The following ARHGEF3 variants were observed in gnomAD, a reference collection of about 807,000 sequenced individuals.
ARHGEF3 encodes 59.8 kDA protein.
In ARHGEF3, 28 loss-of-function variants were observed where a neutral mutation model predicts 63.2. That is an observed-to-expected ratio of 0.44 (90% CI 0.33 to 0.61). The LOEUF is 0.61. Among genes scored for constraint, ARHGEF3 ranks in the 20% least tolerant of loss-of-function variants. ARHGEF3 has a pLI of 0.03. For missense variants in ARHGEF3, 533 were observed against 659.3 expected (o/e 0.81, Z 2.10); for synonymous variants, 266 against 254.2 (o/e 1.05, Z -0.44).
intron 2 of ARHGEF3, among the ~76,000 whole-genome samples, chr3:57,011,138 G>A (rs1331093533): frequency 6.6e-6 from 1 of 152,170 alleles, no homozygotes; most frequent in African/African-American, 2.4e-5. Context: ...CGGAGGGAAG[G>A]TGAAACTGGG....
chr3:57,044,468 AG>A (rs1704360227), intron 1 of ARHGEF3, among the ~76,000 whole-genome samples: 2 of 152,346 alleles, frequency 1.3e-5, no homozygotes, highest in East Asian at 3.9e-4. Context: ...CACAGTGTCA[AG>A]ATACCCCAGT....
chr3:56,927,190 G>C (rs966578557), intron 3 of ARHGEF3, among the ~76,000 whole-genome samples: 5 of 152,148 alleles, frequency 3.3e-5, no homozygotes, highest in African/African-American at 1.2e-4. Flanking sequence ...ACAGTAAGAG[G>C]ACCCACTGCA....
chr3:56,803,295 C>T (rs1051381116), upstream of ARHGEF3, among the ~76,000 whole-genome samples: 4 of 152,038 alleles, frequency 2.6e-5, no homozygotes, highest in South Asian at 8.3e-4. Flanking sequence ...AAAAATTAGC[C>T]AGGGATGGTG....
chr3:57,027,554 C>T (rs112047090), intron 2 of ARHGEF3, among the ~76,000 whole-genome samples: 2,060 of 152,176 alleles, frequency 0.014, 47 homozygotes, highest in African/African-American at 0.047. Flanking sequence ...TCTCTGGGAG[C>T]GTCAAAGGTG....
chr3:56,755,291 G>A, intron 2 of ARHGEF3, 140 bp from the exon 3 acceptor site: 4 of 969,260 alleles, frequency 4.1e-6, no homozygotes, highest in Non-Finnish European at 6.1e-6. Context: ...TTTGGGAAGT[G>A]GGGCATTGTC....
intron 3 of ARHGEF3, among the ~76,000 whole-genome samples, chr3:56,905,863 T>C (rs919854790): frequency 6.6e-6 from 1 of 152,208 alleles, no homozygotes; most frequent in Non-Finnish European, 1.5e-5. Context: ...TGTGACTGTT[T>C]AAATTCACTT....
At chr3:57,079,072 G>A (rs1002263202) in intron 1 of ARHGEF3, 6 of 316,664 alleles carry the variant, frequency 1.9e-5, no homozygotes, top group African/African-American at 1.3e-4. Context: ...GGAGGTGGGA[G>A]TGGGGGTCCA....
rs368174892 is a variant in ARHGEF3 at position 56,898,947 on chromosome 3, G to A, written c.130-16593C>T. 5.3e-4 allele frequency among the ~76,000 whole-genome samples: 81 copies of A among 152,258 alleles called. No homozygotes were observed. In the East Asian group the frequency reaches 0.011, roughly 21 times the overall value. ...CACACGCCTGTAGTCCCAGCTACTCGGGAGGCTGAGGCAGGAGAATGGCAT... is the reference window on the plus strand; with the variant it reads ...CACACGCCTGTAGTCCCAGCTACTCAGGAGGCTGAGGCAGGAGAATGGCAT... On this transcript the variant is annotated intron_variant, in intron 3 of 12. Coordinates refer to the ARHGEF3 transcript ENST00000338458.
At position 57,026,691 on chromosome 3, in the gene ARHGEF3, G is replaced by A. The variant is rs188432197; in HGVS notation, c.62+8397C>T. 1.5e-3 allele frequency among the ~76,000 whole-genome samples: 232 copies of A among 152,300 alleles called. 1 individual carries two copies. Among genetic ancestry groups the A allele is most frequent in the Middle Eastern group, 6.8e-3 (2 of 294 alleles). ...CTTCACCAGATGAGTGTGGGCCAGA[G>A]GCAAAACCCCTCAGAGACATTCTTT... On this transcript the variant is annotated intron_variant, in intron 2 of 12. Coordinates refer to the ARHGEF3 transcript ENST00000338458.
intron 3 of ARHGEF3, among the ~76,000 whole-genome samples, chr3:56,902,330 G>A (rs899513054): frequency 4.6e-5 from 7 of 152,212 alleles, no homozygotes; most frequent in Admixed American, 3.3e-4. Flanking sequence ...ATGTGTGTGC[G>A]CGCGTGTGTG....
At chr3:56,856,294 G>C (rs1054296217) in intron 4 of ARHGEF3, among the ~76,000 whole-genome samples, 2 of 152,192 alleles carry the variant, frequency 1.3e-5, no homozygotes, top group African/African-American at 2.4e-5. Flanking sequence ...TCTAGTATCT[G>C]TCTATAAGGA....
intron 1 of ARHGEF3, among the ~76,000 whole-genome samples, chr3:56,774,419 A>G (rs1358702237): frequency 1.3e-5 from 2 of 152,260 alleles, no homozygotes; most frequent in Non-Finnish European, 2.9e-5. Context: ...CCAGACGGCA[A>G]AAGAAAATGT....
chr3:56,900,539 A>C (rs1196911074), intron 3 of ARHGEF3, among the ~76,000 whole-genome samples: 2 of 152,150 alleles, frequency 1.3e-5, no homozygotes, highest in African/African-American at 2.4e-5. Flanking sequence ...CTGAGGCAGG[A>C]GGATTGACTG....
intron 1 of ARHGEF3, among the ~76,000 whole-genome samples, chr3:56,800,994 C>G (rs535922052): frequency 1.4e-4 from 21 of 152,240 alleles, no homozygotes; most frequent in African/African-American, 5.1e-4. Flanking sequence ...CCTGGGAGCA[C>G]TCCTTCACAT....
rs1473961726 is a variant in ARHGEF3 at position 56,747,062 on chromosome 3, CACAGAGAGAG to C, written c.613-1610_613-1601del. 8.7e-5 allele frequency among the ~76,000 whole-genome samples: 11 copies of C among 125,980 alleles called. No individual in the cohort carries two copies. In the East Asian group the frequency reaches 2.7e-3, roughly 31 times the overall value. 82.6% of individuals were successfully genotyped at this position (125,980 alleles called of 152,430 possible). On this transcript the variant is annotated intron_variant, in intron 6 of 9. Coordinates refer to ENST00000296315, the MANE Select transcript of ARHGEF3 (RefSeq NM_019555.3). ...GTACTTATACATGCGCGCACACACA[CACAGAGAGAG>C]AGAGAGAGAGAGAGAGAGAGAGAGA...
intron 7 of ARHGEF3, among the ~76,000 whole-genome samples, chr3:56,742,708 A>AT (rs1225050792): frequency 6.6e-6 from 1 of 152,250 alleles, no homozygotes; most frequent in East Asian, 1.9e-4. Flanking sequence ...GTAAGTAGGC[A>AT]TTTGGAAGAC....
chr3:57,041,393 G>A (rs1704181297), intron 1 of ARHGEF3, among the ~76,000 whole-genome samples: 1 of 152,168 alleles, frequency 6.6e-6, no homozygotes, highest in Non-Finnish European at 1.5e-5. Context: ...AGTGTATCAT[G>A]GTAGGGGAGG....
chr3:56,767,740 GTATTTATT>G (rs564485330), intron 2 of ARHGEF3, among the ~76,000 whole-genome samples: 103 of 151,438 alleles, frequency 6.8e-4, no homozygotes, highest in African/African-American at 2.3e-3. Flanking sequence ...ATATTTTTCA[GTATTTATT>G]TATTTATTTA....
At chr3:56,750,405 T>C (rs2034665835) in intron 6 of ARHGEF3, among the ~76,000 whole-genome samples, 1 of 152,194 alleles carries the variant, frequency 6.6e-6, no homozygotes, top group African/African-American at 2.4e-5. Context: ...CTTCTTTTTA[T>C]TTAATTAGGA....
Sources: allele counts gnomAD v4.1 joint callset (sites outside exome capture counted in the v4.1 genomes callset), GRCh38; gene constraint gnomAD v4.1.1; transcripts MANE v1.5; gene names NCBI Gene and HGNC (gene_info 2026-07-23, HGNC 2026-07-21).